CCAR1: variants seen among roughly 807,000 people sequenced by gnomAD.
The protein encoded by CCAR1 is cell division cycle and apoptosis regulator 1.
A neutral mutation model predicts 163.8 loss-of-function variants in CCAR1; 78 were observed. The observed-to-expected ratio is 0.48, with a 90% CI of 0.40 to 0.57. The LOEUF (loss-of-function observed/expected upper bound fraction) is 0.57. Ranked by LOEUF, CCAR1 falls within the 20% of genes least tolerant of loss-of-function variation. CCAR1 has a pLI of 0.00. For missense variants in CCAR1, 1,019 were observed against 1,365.2 expected (o/e 0.75, Z 4.00); for synonymous variants, 443 against 460.7 (o/e 0.96, Z 0.49).
At chr10:68,749,442 T>C in intron 9 of CCAR1, 82 bp from the exon 10 acceptor site, 2 of 1,291,340 alleles carry the variant, frequency 1.5e-6, no homozygotes, top group South Asian at 2.9e-5. Flanking sequence ...TTCTTGCTTA[T>C]ATTACCTACT....
In CCAR1 at chr10:68,784,286, G is replaced by A. The variant is rs149772248; in HGVS notation, c.2651-1850G>A. Among the ~76,000 whole-genome samples, 552 of 151,978 alleles carry A rather than the reference G, an allele frequency of 3.6e-3. 3 individuals are homozygous for A. The highest frequency in any genetic ancestry group is 0.013 in the African/African-American group (530 of 41,460). ...GATGGAGTGCAGTGCCGTGATCTCGGCTCACTGCAACCTCTGCCTCCCGGG... is the reference window on the plus strand; with the variant it reads ...GATGGAGTGCAGTGCCGTGATCTCGACTCACTGCAACCTCTGCCTCCCGGG... On this transcript the variant is annotated intron_variant, in intron 19 of 24. Transcript: ENST00000265872.
At chr10:68,763,381 C>G (rs899940975) in intron 16 of CCAR1, among the ~76,000 whole-genome samples, 6 of 151,290 alleles carry the variant, frequency 4.0e-5, no homozygotes, top group African/African-American at 1.5e-4. Flanking sequence ...AATCTCTTGA[C>G]CTCGTGATCC....
In CCAR1 at chr10:68,765,975, C is replaced by T; in HGVS notation, c.2194C>T (p.His732Tyr). Residue 732 changes from histidine to tyrosine, a missense_variant, in exon 17 of 25, where the codon CAT (histidine) becomes TAT (tyrosine). His to Tyr is a moderately conservative substitution (Grantham distance 83). Around this residue, in one of 4 missense-constraint regions of CCAR1, gnomAD observed 644 missense variants for 904.4 expected, o/e 0.71. Coordinates refer to ENST00000265872, the MANE Select transcript of CCAR1 (RefSeq NM_018237.4). The part of the protein sequence containing the change: ...ILPDEPAIIV[H>Y]PNWAAKSGKF... ...GCCTGATGAACCGGCCATCATTGTA[C>T]ATCCAAATTGGGCTGCAAAAAGTGG... 1.9e-6 allele frequency: 3 copies of T among 1,613,966 alleles called. No individual in the cohort carries two copies. In the East Asian group the frequency reaches 6.7e-5, roughly 36 times the overall value.
rs1328492091 is a variant in CCAR1 at position 68,755,241 on chromosome 10, C to T, written c.1459-129C>T. The T allele has an allele frequency of 3.5e-6, 3 of 860,188 alleles. No homozygotes were observed. In the Admixed American group the frequency reaches 5.1e-5, roughly 15 times the overall value. 53.3% of individuals were successfully genotyped at this position (860,188 alleles called of 1,614,324 possible). ...GTGGAACACAATGAACTGAACTCTT[C>T]CTTGACTGACAGATACCAGAGGTAG... On this transcript the variant is annotated intron_variant, in intron 12 of 24. Coordinates refer to ENST00000265872, the MANE Select transcript of CCAR1 (RefSeq NM_018237.4).
chr10:68,764,924 A>G (rs2056518536), intron 16 of CCAR1, among the ~76,000 whole-genome samples: 1 of 152,180 alleles, frequency 6.6e-6, no homozygotes, highest in South Asian at 2.1e-4. Flanking sequence ...TCTTTTTTAA[A>G]ACATACTAAA....
At chr10:68,747,688 A>G (rs2056275306) in intron 8 of CCAR1, 122 bp downstream of exon 8, 2 of 777,702 alleles carry the variant, frequency 2.6e-6, no homozygotes. Flanking sequence ...AATCCTGAAT[A>G]GGACACATCT....
intron 19 of CCAR1, chr10:68,775,124 A>G (rs1211118674): frequency 4.9e-6 from 1 of 202,490 alleles, no homozygotes; most frequent in Non-Finnish European, 1.0e-5. Context: ...ATAATTGTTA[A>G]TATTTGTCTT....
chr10:68,760,293 A>G (rs762486578), intron 15 of CCAR1, among the ~76,000 whole-genome samples: 2 of 152,106 alleles, frequency 1.3e-5, no homozygotes, highest in African/African-American at 4.8e-5. Flanking sequence ...GACTACAGGC[A>G]TTCACCACCA....
At chr10:68,724,463 C>A (rs2055911886) in intron 2 of CCAR1, among the ~76,000 whole-genome samples, 1 of 151,960 alleles carries the variant, frequency 6.6e-6, no homozygotes, top group African/African-American at 2.4e-5. Context: ...AGACTCTCCC[C>A]AAAAAAATTG....
intron 6 of CCAR1, among the ~76,000 whole-genome samples, chr10:68,744,793 C>T (rs866575630): frequency 2.0e-5 from 3 of 150,980 alleles, no homozygotes; most frequent in African/African-American, 7.3e-5. Flanking sequence ...GGGTGAAACA[C>T]CCATTTTAAA....
At position 68,742,243 on chromosome 10, in the gene CCAR1, C is replaced by T. The variant is rs1383449040; in HGVS notation, c.325-133C>T. ...TTATAGTTTAATTTTAGACCTGACT[C>T]TCAAGATGTACATGTATATCTTCTA... is the stretch of plus-strand genomic sequence containing the variant. On this transcript the variant is annotated intron_variant, in intron 5 of 24. Coordinates refer to ENST00000265872, the MANE Select transcript of CCAR1 (RefSeq NM_018237.4). 4 of 617,064 alleles carry T rather than the reference C, an allele frequency of 6.5e-6. No homozygotes were observed. In the South Asian group the frequency reaches 1.1e-4, roughly 16 times the overall value. The allele number at this position is 617,064 out of a possible 1,614,324, so 38.2% of individuals were successfully genotyped here.
intron 10 of CCAR1, among the ~76,000 whole-genome samples, chr10:68,752,957 AATAG>A (rs1416606108): frequency 2.6e-5 from 4 of 151,830 alleles, no homozygotes; most frequent in South Asian, 2.1e-4. Flanking sequence ...CTGTAGATAG[AATAG>A]ATAGATAAAT....
intron 10 of CCAR1, among the ~76,000 whole-genome samples, chr10:68,752,652 C>G (rs1369763901): frequency 2.6e-5 from 4 of 152,116 alleles, no homozygotes; most frequent in African/African-American, 7.2e-5. Context: ...GGAAGGATCA[C>G]TTGAGGCCAG....
intron 20 of CCAR1, 82 bp from the exon 21 acceptor site, chr10:68,786,464 T>G (rs763809838): frequency 1.1e-6 from 1 of 949,448 alleles, no homozygotes; most frequent in Non-Finnish European, 1.6e-6. Flanking sequence ...TGCTATCTTA[T>G]GCACAGTCTC....
In CCAR1 at chr10:68,786,276, T is replaced by A. The variant is rs533847799; in HGVS notation, c.2733+58T>A. On this transcript the variant is annotated intron_variant, in intron 20 of 24. Coordinates refer to ENST00000265872, the MANE Select transcript of CCAR1 (RefSeq NM_018237.4). ...GGTGATATCTTACATCATCTAAACA[T>A]AACACAGTTGTGAAGTTTATTAGTC... 32 of 1,217,776 alleles carry A rather than the reference T, an allele frequency of 2.6e-5. No individual in the cohort carries two copies. In the South Asian group the frequency reaches 3.7e-4, roughly 14 times the overall value. 75.4% of individuals were successfully genotyped at this position (1,217,776 alleles called of 1,614,324 possible). A position where few individuals can be genotyped will look rare whatever the true frequency, so the allele number is the denominator to read the frequency against.
chr10:68,783,929 T>A (rs552940130), intron 19 of CCAR1, among the ~76,000 whole-genome samples: 6 of 151,580 alleles, frequency 4.0e-5, no homozygotes, highest in Admixed American at 1.3e-4. Flanking sequence ...AAATTTTTTT[T>A]ATGTATTTTT....
chr10:68,737,948 TC>T, intron 4 of CCAR1, 59 bp downstream of exon 4: 1 of 1,128,526 alleles, frequency 8.9e-7, no homozygotes, highest in Non-Finnish European at 1.3e-6. Context: ...GCTCCAAAGT[TC>T]AATTGATAGA....
chr10:68,761,790 A>C (rs2047428), intron 16 of CCAR1, among the ~76,000 whole-genome samples: 1 of 151,532 alleles, frequency 6.6e-6, no homozygotes, highest in Admixed American at 6.6e-5. Context: ...TTAGTAGAGA[A>C]GGTGTTTTTC....
intron 2 of CCAR1, 74 bp from the exon 3 acceptor site, chr10:68,736,802 T>C (rs1382480026): frequency 2.2e-6 from 3 of 1,343,926 alleles, no homozygotes; most frequent in Non-Finnish European, 3.1e-6. Context: ...GTATCTCTTC[T>C]ATGTACTGTT....
Sources: gnomAD v4.1 joint callset for allele counts (sites outside exome capture counted in the v4.1 genomes callset) on GRCh38, gnomAD v4.1.1 for gene constraint, gnomAD v4.1.1 regional missense constraint, MANE v1.5 for transcripts, NCBI Gene and HGNC (gene_info 2026-07-23, HGNC 2026-07-21) for gene names.